The following GARNL3 variants were observed in gnomAD, a reference collection of about 807,000 sequenced individuals.
GARNL3 encodes GTPase-activating Rap/Ran-GAP domain-like protein 3.
Under a neutral mutation model 125.0 loss-of-function variants are expected in GARNL3, and 63 were observed. The ratio of observed to expected loss-of-function variants is 0.50; its 90% CI spans 0.41 to 0.62. The LOEUF (loss-of-function observed/expected upper bound fraction) is 0.62, where lower values mean the gene tolerates loss of function less well. GARNL3 is among the 20% of genes least tolerant of loss of function. The pLI, the probability that GARNL3 is intolerant of heterozygous loss-of-function variation, is 0.00. For synonymous variants in GARNL3, 439 were observed against 457.5 expected (o/e 0.96, Z 0.52); for missense variants, 994 against 1,244.0 (o/e 0.80, Z 3.02).
At chr9:127,293,521 C>G (rs1284121809) in intron 2 of GARNL3, among the ~76,000 whole-genome samples, 1 of 151,910 alleles carries the variant, frequency 6.6e-6, no homozygotes, top group Non-Finnish European at 1.5e-5. Flanking sequence ...TTGTCATGTC[C>G]GAGAAACCAT....
chr9:127,338,569 G>A (rs1215303470), intron 12 of GARNL3, among the ~76,000 whole-genome samples: 1 of 152,172 alleles, frequency 6.6e-6, no homozygotes, highest in Non-Finnish European at 1.5e-5. Flanking sequence ...TCATTTATTT[G>A]AGGCTTTGAA....
At chr9:127,367,735 G>A (rs760077467) in intron 22 of GARNL3, among the ~76,000 whole-genome samples, 1 of 152,162 alleles carries the variant, frequency 6.6e-6, no homozygotes, top group Non-Finnish European at 1.5e-5. Flanking sequence ...ATGCTTTAAA[G>A]ATAATCATGC....
rs1381607901 is a variant in GARNL3 at position 127,392,014 on chromosome 9, C to T, written c.2871-1069C>T. ...AGATATGGAAAGGACTAAGCCCCCA[C>T]CTGTGCCTTCAAGGGGTTCCCAGGC... is the stretch of plus-strand genomic sequence containing the variant. On this transcript the variant is annotated intron_variant, in intron 27 of 27. Transcript: ENST00000373387. The surrounding 1 kb of genome is among the most constrained non-coding windows in gnomAD (Gnocchi z 5.2). Among the ~76,000 whole-genome samples, 3 of 152,220 alleles carry T rather than the reference C, an allele frequency of 2.0e-5. No individual in the cohort carries two copies. The highest frequency in any genetic ancestry group is 7.2e-5 in the African/African-American group (3 of 41,456).
chr9:127,263,525 T>C (rs1404724208), upstream of GARNL3: 1 of 214,806 alleles, frequency 4.7e-6, no homozygotes, highest in African/African-American at 2.4e-5. Context: ...TGTAGGGGAA[T>C]GGCAGTAGCC....
rs188908408 is a variant in GARNL3 at position 127,294,190 on chromosome 9, A to T, written c.219+2948A>T. 5.1e-4 allele frequency among the ~76,000 whole-genome samples: 78 copies of T among 152,258 alleles called. 1 individual carries two copies. The East Asian group carries it at 9.1e-3, about 18-fold the overall frequency. On this transcript the variant is annotated intron_variant, in intron 2 of 27. Coordinates refer to ENST00000373387, the MANE Select transcript of GARNL3 (RefSeq NM_032293.5). ...AATTCAATTTTGCTGGGATTGACAA[A>T]CATCCTCAAGCCAAAAAGGACTTTC...
chr9:127,284,269 AT>A (rs2064182900), intron 1 of GARNL3, among the ~76,000 whole-genome samples: 1 of 152,188 alleles, frequency 6.6e-6, no homozygotes, highest in South Asian at 2.1e-4. Context: ...AAAATTTGCC[AT>A]TTCATTGAAC....
At chr9:127,352,726 G>A (rs1487323932) in intron 17 of GARNL3, among the ~76,000 whole-genome samples, 2 of 152,152 alleles carry the variant, frequency 1.3e-5, no homozygotes, top group Non-Finnish European at 2.9e-5. Flanking sequence ...TCCCCACTGT[G>A]GGGGCAGTTA....
At chr9:127,386,995 T>A in intron 24 of GARNL3, 198 bp from the exon 25 acceptor site, 1 of 476,942 alleles carries the variant, frequency 2.1e-6, no homozygotes, top group Non-Finnish European at 3.7e-6. Flanking sequence ...GGGAGTGGAA[T>A]ACTCAGGAAA....
intron 1 of GARNL3, among the ~76,000 whole-genome samples, chr9:127,233,767 A>G (rs1486335256): frequency 6.6e-6 from 1 of 152,252 alleles, no homozygotes; most frequent in Non-Finnish European, 1.5e-5. Context: ...CGATGCCAAG[A>G]CAAATGCTTT....
intron 1 of GARNL3, among the ~76,000 whole-genome samples, chr9:127,239,286 G>A (rs1246415578): frequency 6.6e-6 from 1 of 152,168 alleles, no homozygotes; most frequent in Non-Finnish European, 1.5e-5. Flanking sequence ...GTCCTCAGAA[G>A]GTCACCCTTT....
At chr9:127,348,770 T>C (rs1830273235) in intron 16 of GARNL3, among the ~76,000 whole-genome samples, 154 bp from the exon 17 acceptor site, 1 of 152,244 alleles carries the variant, frequency 6.6e-6, no homozygotes. Flanking sequence ...CTAAGAAAGG[T>C]AATTGAGTCC....
chr9:127,375,296 C>T (rs955264390), intron 22 of GARNL3, among the ~76,000 whole-genome samples: 1 of 151,922 alleles, frequency 6.6e-6, no homozygotes, highest in African/African-American at 2.4e-5. Flanking sequence ...AACCCTGTCT[C>T]TACTGAAAAT....
rs530487367 is a variant in GARNL3, at chr9:127,341,951, C to T, written c.1136-268C>T. ...TAGCAGCCGGCGGATCATAGAGTCT[C>T]GGAATTCCAAAGTGGATTGAGCAGC... On this transcript the variant is annotated intron_variant, in intron 13 of 27. Coordinates refer to ENST00000373387, the MANE Select transcript of GARNL3 (RefSeq NM_032293.5). 2.2e-4 allele frequency among the ~76,000 whole-genome samples: 34 copies of T among 152,184 alleles called. No homozygotes were observed. The South Asian group carries it at 5.0e-3, about 22-fold the overall frequency.
intron 1 of GARNL3, among the ~76,000 whole-genome samples, chr9:127,237,514 G>C (rs541942831): frequency 6.6e-6 from 1 of 152,334 alleles, no homozygotes; most frequent in East Asian, 1.9e-4. Flanking sequence ...CAGTGGAAGG[G>C]GACTGAAGTG....
intron 15 of GARNL3, 106 bp from the exon 16 acceptor site, chr9:127,345,297 G>A: frequency 1.7e-6 from 1 of 605,754 alleles, no homozygotes; most frequent in East Asian, 3.1e-5. Flanking sequence ...CGAAATGTTA[G>A]CCTGCAATTA....
intron 20 of GARNL3, among the ~76,000 whole-genome samples, chr9:127,356,100 C>T (rs553056402): frequency 6.6e-6 from 1 of 152,282 alleles, no homozygotes; most frequent in East Asian, 1.9e-4. Flanking sequence ...GCAAAGACTT[C>T]GGCCTTGACT....
At chr9:127,311,600 TA>T in intron 2 of GARNL3, 35 bp from the exon 3 acceptor site, 1 of 1,398,696 alleles carries the variant, frequency 7.1e-7, no homozygotes, top group Non-Finnish European at 1.0e-6. Flanking sequence ...ACTTTCTGAA[TA>T]AGCCTCTTAA....
chr9:127,335,567 G>A (rs901295197), intron 10 of GARNL3, among the ~76,000 whole-genome samples: 9 of 152,278 alleles, frequency 5.9e-5, no homozygotes, highest in Admixed American at 1.3e-4. Context: ...ATGTGCATGC[G>A]TGTGTATGTG....
intron 2 of GARNL3, among the ~76,000 whole-genome samples, chr9:127,304,252 T>G (rs1201039464): frequency 1.3e-5 from 2 of 152,258 alleles, no homozygotes; most frequent in African/African-American, 4.8e-5. Context: ...TAGGATTTAT[T>G]GTAGGTTAAA....
Sources: gnomAD v4.1 joint callset for allele counts (sites outside exome capture counted in the v4.1 genomes callset) on GRCh38, gnomAD v4.1.1 for gene constraint, Gnocchi (gnomAD v3.1) non-coding constraint, MANE v1.5 for transcripts, NCBI Gene and HGNC (gene_info 2026-07-23, HGNC 2026-07-21) for gene names.